KCNIP4: variants seen among roughly 807,000 people sequenced by gnomAD.
The protein encoded by KCNIP4 is Kv channel-interacting protein 4.
KCNIP4 carries 12 observed loss-of-function variants against 34.0 expected under a neutral mutation model. That is an observed-to-expected ratio of 0.35 (90% CI 0.23 to 0.57). The LOEUF (loss-of-function observed/expected upper bound fraction) is 0.57. KCNIP4 is among the 20% of genes least tolerant of loss of function. The pLI, the probability that KCNIP4 is intolerant of heterozygous loss-of-function variation, is 0.83. For synonymous variants in KCNIP4, 124 were observed against 102.2 expected, an observed-to-expected ratio of 1.21 and a Z score of -1.29; for missense variants, 238 against 311.7, an observed-to-expected ratio of 0.76 and a Z score of 1.78.
intron 1 of KCNIP4, among the ~76,000 whole-genome samples, chr4:21,919,976 A>G (rs1161650558): frequency 6.6e-6 from 1 of 152,212 alleles, no homozygotes; most frequent in Non-Finnish European, 1.5e-5. Context: ...AAACCAATTC[A>G]TAAGCTGTAT....
intron 1 of KCNIP4, among the ~76,000 whole-genome samples, chr4:21,549,130 T>A (rs1416172949): frequency 6.6e-6 from 1 of 152,018 alleles, no homozygotes; most frequent in Non-Finnish European, 1.5e-5. Context: ...TACCATGCAG[T>A]ACATTCCTTC....
intron 1 of KCNIP4, among the ~76,000 whole-genome samples, chr4:21,591,402 A>T (rs1742208453): frequency 6.6e-6 from 1 of 152,104 alleles, no homozygotes; most frequent in Non-Finnish European, 1.5e-5. Flanking sequence ...ATCCTGTGTG[A>T]TGCAGCCTTT....
chr4:20,971,874 A>G (rs1734983299), intron 1 of KCNIP4, among the ~76,000 whole-genome samples: 1 of 152,218 alleles, frequency 6.6e-6, no homozygotes, highest in Admixed American at 6.5e-5. Flanking sequence ...ATTAGACTCA[A>G]TCCTCTCAAA....
chr4:21,936,058 T>C lies in KCNIP4; in HGVS notation c.61+12513A>G, dbSNP rs1375747498. Among the ~76,000 whole-genome samples, 4 of 152,034 alleles carry C rather than the reference T, an allele frequency of 2.6e-5. No homozygotes were observed. The East Asian group carries it at 7.7e-4, about 29-fold the overall frequency. On this transcript the variant is annotated intron_variant, in intron 1 of 8. Transcript: ENST00000382152. ...AATAGTATAGCATATATCGTATGTCTATATTTTTTTCTTTTACGAAGTATA... is the reference window on the plus strand; with the variant it reads ...AATAGTATAGCATATATCGTATGTCCATATTTTTTTCTTTTACGAAGTATA...
chr4:21,651,687 C>T (rs1382867543), intron 1 of KCNIP4, among the ~76,000 whole-genome samples: 1 of 152,122 alleles, frequency 6.6e-6, no homozygotes, highest in African/African-American at 2.4e-5. Flanking sequence ...CAAAACATAA[C>T]AGCAACAAAA....
chr4:20,988,614 A>G (rs906685249), intron 1 of KCNIP4, among the ~76,000 whole-genome samples: 2 of 152,256 alleles, frequency 1.3e-5, no homozygotes, highest in African/African-American at 4.8e-5. Flanking sequence ...CGATATATTT[A>G]CAATCTACCT....
At chr4:21,257,754 A>T (rs974043846) in intron 1 of KCNIP4, among the ~76,000 whole-genome samples, 21 of 104,442 alleles carry the variant, frequency 2.0e-4, no homozygotes, top group African/African-American at 1.4e-3. Context: ...AGTCTCAAAA[A>T]AAAAAAAAAA....
At chr4:21,154,886 T>C (rs1361325633) in intron 1 of KCNIP4, among the ~76,000 whole-genome samples, 1 of 152,188 alleles carries the variant, frequency 6.6e-6, no homozygotes, top group Non-Finnish European at 1.5e-5. Context: ...GCTGAACTTG[T>C]GAGTAAAAGC....
At chr4:21,869,680 A>ATC (rs1725645302) in intron 1 of KCNIP4, among the ~76,000 whole-genome samples, 1 of 123,232 alleles carries the variant, frequency 8.1e-6, no homozygotes, top group South Asian at 2.7e-4. Context: ...TACGCTTAAT[A>ATC]TCTCTCTCTC....
intron 1 of KCNIP4, among the ~76,000 whole-genome samples, chr4:21,487,742 G>T (rs1560453562): frequency 1.3e-5 from 2 of 151,968 alleles, no homozygotes; most frequent in Admixed American, 1.3e-4. Context: ...TTAATATATT[G>T]GGTTGTAATA....
intron 2 of KCNIP4, among the ~76,000 whole-genome samples, chr4:20,875,648 T>C (rs1257879501): frequency 6.6e-6 from 1 of 152,162 alleles, no homozygotes; most frequent in East Asian, 1.9e-4. Flanking sequence ...CCTGACTACA[T>C]GCCTAGGTCA....
chr4:20,790,057 T>C (rs949375984), intron 3 of KCNIP4, among the ~76,000 whole-genome samples: 1 of 152,128 alleles, frequency 6.6e-6, no homozygotes, highest in Non-Finnish European at 1.5e-5. Context: ...CAAACCTAGA[T>C]GGTACACCCT....
At chr4:21,398,133 C>A (rs553580520) in intron 1 of KCNIP4, among the ~76,000 whole-genome samples, 1 of 152,266 alleles carries the variant, frequency 6.6e-6, no homozygotes, top group African/African-American at 2.4e-5. Flanking sequence ...AAGGTTAAGT[C>A]TGGGTAAGTC....
chr4:21,024,296 A>G (rs917773038), intron 1 of KCNIP4, among the ~76,000 whole-genome samples: 1 of 152,174 alleles, frequency 6.6e-6, no homozygotes, highest in Non-Finnish European at 1.5e-5. Context: ...TGTCAACCAG[A>G]GTCCTCTCTT....
intron 3 of KCNIP4, among the ~76,000 whole-genome samples, chr4:20,831,570 T>TCA (rs200124652): frequency 3.3e-5 from 5 of 152,102 alleles, no homozygotes; most frequent in Non-Finnish European, 7.4e-5. Flanking sequence ...TATATTCTAG[T>TCA]CACACACACA....
intron 5 of KCNIP4, 113 bp downstream of exon 5, chr4:20,749,549 T>C: frequency 1.5e-6 from 1 of 649,674 alleles, no homozygotes; most frequent in East Asian, 2.8e-5. Flanking sequence ...AAAGGGAGTG[T>C]CCTTGGGCTT....
intron 1 of KCNIP4, among the ~76,000 whole-genome samples, chr4:21,133,014 G>GAA (rs11342415): frequency 3.6e-4 from 53 of 145,802 alleles, no homozygotes; most frequent in Non-Finnish European, 3.9e-4. Flanking sequence ...CTCCATCTCA[G>GAA]AAAAAAAAAA....
intron 1 of KCNIP4, among the ~76,000 whole-genome samples, chr4:21,650,108 A>C (rs1478050323): frequency 6.6e-6 from 1 of 152,226 alleles, no homozygotes; most frequent in Non-Finnish European, 1.5e-5. Context: ...TCCTTGAAGC[A>C]GAAACTAACA....
At chr4:20,882,046 T>A (rs941696635) in intron 2 of KCNIP4, among the ~76,000 whole-genome samples, 1 of 152,230 alleles carries the variant, frequency 6.6e-6, no homozygotes, top group African/African-American at 2.4e-5. Flanking sequence ...TGTGTATGTA[T>A]GTATATGATA....
Sources: gnomAD v4.1 joint callset for allele counts (sites outside exome capture counted in the v4.1 genomes callset) on GRCh38, gnomAD v4.1.1 for gene constraint, MANE v1.5 for transcripts, NCBI Gene and HGNC (gene_info 2026-07-23, HGNC 2026-07-21) for gene names.